TMEM117: variants seen among roughly 807,000 people sequenced by gnomAD.
TMEM117 encodes transmembrane protein 117.
TMEM117 carries 27 observed loss-of-function variants against 52.4 expected under a neutral mutation model. That is an observed-to-expected ratio of 0.51 (90% CI 0.38 to 0.71). The LOEUF is 0.71. Ranked by LOEUF, TMEM117 falls within the 30% of genes least tolerant of loss-of-function variation. The pLI is 0.00. For missense variants in TMEM117, 556 were observed against 630.5 expected (o/e 0.88, Z 1.26); for synonymous variants, 215 against 206.3 (o/e 1.04, Z -0.36).
chr12:43,812,627 T>G, the TMEM117 span, among the ~76,000 whole-genome samples: 1 of 152,106 alleles, frequency 6.6e-6, no homozygotes. Context: ...TGCTCCCGGG[T>G]CCACACTAGC....
At chr12:43,947,684 C>A (rs1365806350) in intron 3 of TMEM117, among the ~76,000 whole-genome samples, 21 of 152,202 alleles carry the variant, frequency 1.4e-4, no homozygotes, top group Admixed American at 1.4e-3. Context: ...ATTTGCATTA[C>A]ACTGAATTTG....
intron 3 of TMEM117, among the ~76,000 whole-genome samples, chr12:44,059,769 C>G (rs530863221): frequency 1.7e-3 from 263 of 152,264 alleles, no homozygotes; most frequent in South Asian, 4.8e-3. Flanking sequence ...TAAATTGCCA[C>G]CAAGTATTTA....
At chr12:43,994,532 A>C (rs1291517333) in intron 3 of TMEM117, among the ~76,000 whole-genome samples, 2 of 152,194 alleles carry the variant, frequency 1.3e-5, no homozygotes, top group East Asian at 3.8e-4. Context: ...GGAAAGCAAA[A>C]CAAACATGCA....
chr12:43,826,858 G>T, the TMEM117 span, among the ~76,000 whole-genome samples: 1 of 152,134 alleles, frequency 6.6e-6, no homozygotes, highest in South Asian at 2.1e-4. Context: ...GATCATTTCT[G>T]TATCTGCCTG....
intron 2 of TMEM117, among the ~76,000 whole-genome samples, chr12:43,940,992 C>A (rs1945035619): frequency 6.6e-6 from 1 of 152,176 alleles, no homozygotes; most frequent in African/African-American, 2.4e-5. Flanking sequence ...TCATAATCAT[C>A]AATCCCTGTG....
chr12:43,894,183 G>A (rs1944157978), intron 2 of TMEM117, among the ~76,000 whole-genome samples: 1 of 152,162 alleles, frequency 6.6e-6, no homozygotes, highest in African/African-American at 2.4e-5. Context: ...AGGGAGAGAA[G>A]AAATTAATGG....
intron 3 of TMEM117, among the ~76,000 whole-genome samples, chr12:44,039,456 C>T (rs146612552): frequency 6.0e-5 from 9 of 151,044 alleles, no homozygotes; most frequent in African/African-American, 2.2e-4. Context: ...TCTTCAGAAA[C>T]TTTGACAATT....
At chr12:43,889,184 GC>G (rs1944056407) in intron 2 of TMEM117, among the ~76,000 whole-genome samples, 1 of 151,716 alleles carries the variant, frequency 6.6e-6, no homozygotes, top group Non-Finnish European at 1.5e-5. Flanking sequence ...CCGGGTACAA[GC>G]AATTCTCCTG....
intron 6 of TMEM117, among the ~76,000 whole-genome samples, chr12:44,328,807 A>C (rs1951229824): frequency 6.6e-6 from 1 of 152,116 alleles, no homozygotes; most frequent in Admixed American, 6.6e-5. Context: ...TGTCATAAAT[A>C]GTTCTTAAAT....
chr12:44,395,466 A>G, the TMEM117 span, among the ~76,000 whole-genome samples: 7 of 152,334 alleles, frequency 4.6e-5, no homozygotes, highest in Middle Eastern at 3.4e-3. Context: ...CACTTGTACC[A>G]GAATAATATT....
chr12:44,052,383 T>A (rs939487837), intron 3 of TMEM117, among the ~76,000 whole-genome samples: 1 of 152,082 alleles, frequency 6.6e-6, no homozygotes, highest in African/African-American at 2.4e-5. Context: ...CCCAATGCAC[T>A]GGCTCCTGCA....
intron 4 of TMEM117, among the ~76,000 whole-genome samples, chr12:44,151,632 G>T (rs952334936): frequency 2.0e-5 from 3 of 148,952 alleles, no homozygotes; most frequent in African/African-American, 7.4e-5. Flanking sequence ...ATTGATACTT[G>T]ATTTTTTCCT....
intron 3 of TMEM117, among the ~76,000 whole-genome samples, chr12:44,048,792 T>C (rs959903444): frequency 5.3e-5 from 8 of 152,174 alleles, no homozygotes; most frequent in African/African-American, 1.4e-4. Context: ...TATGTGAGTA[T>C]TCAGAACAAG....
chr12:43,906,137 A>G (rs968564424), intron 2 of TMEM117, among the ~76,000 whole-genome samples: 3 of 152,176 alleles, frequency 2.0e-5, no homozygotes, highest in Non-Finnish European at 4.4e-5. Flanking sequence ...CTTGTGCAAT[A>G]CATTTTAGAT....
intron 3 of TMEM117, among the ~76,000 whole-genome samples, chr12:43,977,154 T>C (rs537588698): frequency 1.3e-5 from 2 of 152,260 alleles, no homozygotes; most frequent in South Asian, 4.1e-4. Flanking sequence ...ATGAGAGTTG[T>C]GATGTACAAC....
rs142089494 is a variant in TMEM117, at chr12:44,259,156, C to T, written c.609-40424C>T. Among the ~76,000 whole-genome samples the T allele has an allele frequency of 5.8e-4, 88 of 152,206 alleles. 1 individual carries two copies. Among genetic ancestry groups the T allele is most frequent in the African/African-American group, 2.1e-3 (86 of 41,548 alleles). ...AAACTGCATAGGAGGTACAGCAGCT[C>T]CGCTAATGGAGTGAGCTCTCTTGGT... On this transcript the variant is annotated intron_variant, in intron 5 of 7. Coordinates refer to ENST00000266534, the MANE Select transcript of TMEM117 (RefSeq NM_032256.3).
chr12:43,805,296 G>A, the TMEM117 span, among the ~76,000 whole-genome samples: 1 of 152,140 alleles, frequency 6.6e-6, no homozygotes, highest in African/African-American at 2.4e-5. Flanking sequence ...AAATTAATGC[G>A]GATAAATAAA....
chr12:44,036,998 C>T (rs372572072), intron 3 of TMEM117, among the ~76,000 whole-genome samples: 2 of 152,172 alleles, frequency 1.3e-5, no homozygotes, highest in East Asian at 3.9e-4. Context: ...AGCGGCCCAC[C>T]TGGAGTGACC....
At chr12:43,865,415 G>T (rs955825341) in intron 2 of TMEM117, among the ~76,000 whole-genome samples, 1 of 152,140 alleles carries the variant, frequency 6.6e-6, no homozygotes, top group Non-Finnish European at 1.5e-5. Flanking sequence ...ATGTAGATTT[G>T]GCCAGGTATA....
Sources: allele counts gnomAD v4.1 joint callset (sites outside exome capture counted in the v4.1 genomes callset), GRCh38; gene constraint gnomAD v4.1.1; transcripts MANE v1.5; gene names NCBI Gene and HGNC (gene_info 2026-07-23, HGNC 2026-07-21).